Variants in TMTC4 observed in about 807,000 individuals in gnomAD.
TMTC4 encodes the protein transmembrane O-mannosyltransferase targeting cadherins 4.
In TMTC4, 65 loss-of-function variants were observed where a neutral mutation model predicts 86.0. The observed-to-expected ratio is 0.76, with a 90% confidence interval of 0.62 to 0.93. TMTC4 has a LOEUF of 0.93. TMTC4 is among the 40% of genes least tolerant of loss of function. The pLI is 0.00. For synonymous variants in TMTC4, 379 were observed against 382.5 expected (o/e 0.99, Z 0.11); for missense variants, 866 against 948.1 (o/e 0.91, Z 1.14).
In TMTC4 at chr13:100,625,656, C is replaced by T. The variant is rs1268476872; in HGVS notation, c.1715G>A (p.Trp572Ter). The change falls in exon 15 of 19, where the codon TGG becomes TAG. Residue 572 changes from tryptophan to a stop codon, truncating the protein, a stop_gained. Coordinates refer to ENST00000342624, the MANE Select transcript of TMTC4 (RefSeq NM_032813.5). LOFTEE classifies it high-confidence loss of function. ...ATTCTGCACTATGCCTAGATTCATC[C>T]ACGCAGCGGCAAAGTCTGGCCTAGA... is the stretch of plus-strand genomic sequence containing the variant. ...VQIQPDFAAA[W>*]MNLGIVQNSL... 2 of 1,614,136 alleles carry T rather than the reference C, an allele frequency of 1.2e-6. No individual in the cohort carries two copies. The highest frequency in any genetic ancestry group is 1.1e-5 in the South Asian group (1 of 91,082).
chr13:100,658,295 C>T lies in TMTC4; in HGVS notation c.553-1827G>A, dbSNP rs552226782. 3.9e-5 allele frequency among the ~76,000 whole-genome samples: 6 copies of T among 152,080 alleles called. No individual in the cohort carries two copies. In the East Asian group the frequency reaches 5.8e-4, roughly 15 times the overall value. ...TAGCAGAAAGGCAAAGGACAGAGGACGCAGAAGCTCAGGTATCATCTCTGC... is the reference window on the plus strand; with the variant it reads ...TAGCAGAAAGGCAAAGGACAGAGGATGCAGAAGCTCAGGTATCATCTCTGC... On this transcript the variant is annotated intron_variant, in intron 5 of 18. Coordinates refer to ENST00000342624, the MANE Select transcript of TMTC4 (RefSeq NM_032813.5).
chr13:100,663,018 C>T lies in TMTC4; in HGVS notation c.498G>A (p.Arg166=). 1 of 1,614,130 alleles carries T rather than the reference C, an allele frequency of 6.2e-7. No homozygotes were observed. Among genetic ancestry groups the T allele is most frequent in the Non-Finnish European group, 8.5e-7 (1 of 1,180,014 alleles). The change falls in exon 5 of 19, where the codon AGG becomes AGA. Residue 166 remains arginine, a synonymous_variant. Coordinates refer to ENST00000342624, the MANE Select transcript of TMTC4 (RefSeq NM_032813.5). ...SKGRRLHLAP[R]ASLLAALLFA... ...ACAGCAGCGCGGCCAGCAGGGACGC[C>T]CTGGGGGCGAGGTGCAGCCTCCGGC...
chr13:100,671,017 TG>T (rs1887027249), intron 1 of TMTC4, among the ~76,000 whole-genome samples: 1 of 152,162 alleles, frequency 6.6e-6, no homozygotes, highest in African/African-American at 2.4e-5. Flanking sequence ...TGATTTAACA[TG>T]GGGAGAAATT....
chr13:100,604,284 T>G lies in TMTC4; in HGVS notation c.*710A>C, dbSNP rs768710422. 24 of 152,476 alleles carry G rather than the reference T, an allele frequency of 1.6e-4. No individual in the cohort carries two copies. Among genetic ancestry groups the G allele is most frequent in the Admixed American group, 3.3e-4 (5 of 15,278 alleles). 9.4% of individuals were successfully genotyped at this position (152,476 alleles called of 1,614,324 possible). On this transcript the variant is annotated 3_prime_UTR_variant, in exon 19 of 19. Transcript: ENST00000342624. Reference sequence around the variant, plus strand: ...CTCTTGCCTAAAGCATGGCTTGAACTTTCAATTGATAGTAACCGCTTATGT... The same window carrying G: ...CTCTTGCCTAAAGCATGGCTTGAACGTTCAATTGATAGTAACCGCTTATGT...
chr13:100,647,578 C>T (rs544428570), intron 6 of TMTC4, among the ~76,000 whole-genome samples: 2 of 152,320 alleles, frequency 1.3e-5, no homozygotes, highest in East Asian at 3.9e-4. Context: ...TTTTACATTT[C>T]TGCCTAGAAA....
chr13:100,663,134 C>CGTGAAAGCCCACGGG lies in TMTC4; in HGVS notation c.367_381dup (p.Pro123_His127dup), dbSNP rs758969907. On this transcript the variant is annotated inframe_insertion, in exon 5 of 19. Transcript: ENST00000342624. ...CCACTGTGCAGGAGGATGTTGACCACGTGAAAGCCCACGGGGTGGAAGCCT... is the reference window on the plus strand; with the variant it reads ...CCACTGTGCAGGAGGATGTTGACCACGTGAAAGCCCACGGGGTGAAAGCCCACGGGGTGGAAGCCT... 1.2e-6 allele frequency: 2 copies of CGTGAAAGCCCACGGG among 1,614,072 alleles called. No homozygotes were observed. The highest frequency in any genetic ancestry group is 2.7e-5 in the African/African-American group (2 of 74,936).
chr13:100,634,850 T>A lies in TMTC4; in HGVS notation c.1461A>T (p.Glu487Asp). The A allele has an allele frequency of 1.9e-6, 3 of 1,614,178 alleles. No individual in the cohort carries two copies. Among genetic ancestry groups the A allele is most frequent in the Non-Finnish European group, 2.5e-6 (3 of 1,180,032 alleles). The change falls in exon 12 of 19, where the codon GAA becomes GAT. Residue 487 changes from glutamate to aspartate, a missense_variant. Physicochemically the swap from Glu to Asp is conservative, Grantham distance 45. Coordinates refer to ENST00000342624, the MANE Select transcript of TMTC4 (RefSeq NM_032813.5). ...CAGACAGAGCACTTCTGAAAAGCTG[T>A]TCCTCACTCCGCCACTCGCCGCTGC... ...VLRSGEWRSE[E>D]QLFRSALSVC...
Position 100,605,781 on chromosome 13 carries a change from G to C in TMTC4, c.2134+577C>G, listed in dbSNP as rs1180874411. 6.6e-6 allele frequency among the ~76,000 whole-genome samples: 1 copy of C among 152,184 alleles called. No individual in the cohort carries two copies. The highest frequency in any genetic ancestry group is 1.5e-5 in the Non-Finnish European group (1 of 68,038). On this transcript the variant is annotated intron_variant, in intron 18 of 18. Transcript: ENST00000342624. This position sits in a 1 kb window ranked among gnomAD's most constrained non-coding sequence, Gnocchi z 4.3. ...GAAGAGAAGCTTCAGAGTTGGTAGA[G>C]AACAGCTTTGGTGAAAAAACATTTC...
At chr13:100,644,996 G>T (rs2138929819) in intron 6 of TMTC4, among the ~76,000 whole-genome samples, 1 of 152,182 alleles carries the variant, frequency 6.6e-6, no homozygotes, top group Admixed American at 6.5e-5. Context: ...TGTATTTTTA[G>T]TAGAGACGGG....
intron 7 of TMTC4, among the ~76,000 whole-genome samples, chr13:100,639,370 C>A (rs1181829200): frequency 6.6e-6 from 1 of 152,116 alleles, no homozygotes; most frequent in Non-Finnish European, 1.5e-5. Flanking sequence ...CACAGAAGAC[C>A]GTTTCTGCCT....
intron 12 of TMTC4, among the ~76,000 whole-genome samples, chr13:100,628,336 TTGTGGC>T (rs1880856579): frequency 6.6e-6 from 1 of 152,162 alleles, no homozygotes; most frequent in Non-Finnish European, 1.5e-5. Flanking sequence ...TTCCTTCCTT[TTGTGGC>T]TGAATAATAT....
chr13:100,606,536 T>G, intron 17 of TMTC4, 109 bp from the exon 18 acceptor site: 1 of 825,722 alleles, frequency 1.2e-6, no homozygotes, highest in Non-Finnish European at 1.9e-6. Context: ...TCCTTTTGTA[T>G]CAATGCATTC....
intron 4 of TMTC4, 31 bp from the exon 5 acceptor site, chr13:100,663,211 G>A (rs778022208): frequency 1.6e-5 from 25 of 1,603,116 alleles, no homozygotes; most frequent in South Asian, 4.4e-5. Flanking sequence ...CAGGGTACAC[G>A]CGCAGCGGCA....
intron 6 of TMTC4, among the ~76,000 whole-genome samples, chr13:100,650,403 G>A (rs1884284468): frequency 2.0e-5 from 3 of 152,328 alleles, no homozygotes; most frequent in South Asian, 4.1e-4. Context: ...AATGAAGCAC[G>A]TGCCTCGGAT....
rs1442287605 is a variant in TMTC4 at position 100,663,190 on chromosome 13, C to A, written c.336-10G>T. The stretch of plus-strand genomic sequence containing the variant: ...GAGGTAGTAGTTAATCCTGCAGAAA[C>A]ACAGGGTGTTCAGGGTACACGCGCA... On this transcript the variant is annotated splice_polypyrimidine_tract_variant and intron_variant, in intron 4 of 18. Coordinates refer to ENST00000342624, the MANE Select transcript of TMTC4 (RefSeq NM_032813.5). 1 of 1,613,864 alleles carries A rather than the reference C, an allele frequency of 6.2e-7. No individual in the cohort carries two copies. Among genetic ancestry groups the A allele is most frequent in the Non-Finnish European group, 8.5e-7 (1 of 1,179,898 alleles).
rs768926915 is a variant in TMTC4 at position 100,605,648 on chromosome 13, A to C, written c.2135-506T>G. Reference sequence around the variant, plus strand: ...TGACCCTAAAATGATAGTTACAGTAAACCTAATCATTAGGATGATTAGCCT... The same window carrying C: ...TGACCCTAAAATGATAGTTACAGTACACCTAATCATTAGGATGATTAGCCT... On this transcript the variant is annotated intron_variant, in intron 18 of 18. Transcript: ENST00000342624. This position sits in a 1 kb window ranked among gnomAD's most constrained non-coding sequence, Gnocchi z 4.3. Among the ~76,000 whole-genome samples, 1 of 152,214 alleles carries C rather than the reference A, an allele frequency of 6.6e-6. No individual in the cohort carries two copies. The highest frequency in any genetic ancestry group is 1.5e-5 in the Non-Finnish European group (1 of 68,036).
At chr13:100,616,970 T>C (rs1381659526) in intron 15 of TMTC4, among the ~76,000 whole-genome samples, 1 of 152,248 alleles carries the variant, frequency 6.6e-6, no homozygotes, top group Non-Finnish European at 1.5e-5. Context: ...GTCTGTTTAC[T>C]CTCTTGATAG....
At chr13:100,610,416 T>G (rs1198594636) in intron 17 of TMTC4, among the ~76,000 whole-genome samples, 2 of 152,180 alleles carry the variant, frequency 1.3e-5, no homozygotes, top group Non-Finnish European at 2.9e-5. Context: ...TTCAAACCCT[T>G]AACTAAAAAA....
intron 3 of TMTC4, 62 bp downstream of exon 3, chr13:100,668,517 T>C (rs1886670384): frequency 6.6e-7 from 1 of 1,510,612 alleles, no homozygotes; most frequent in Non-Finnish European, 9.1e-7. Context: ...AACACATACT[T>C]AGATGATTAC....
Sources: gnomAD v4.1 joint callset for allele counts (sites outside exome capture counted in the v4.1 genomes callset) on GRCh38, gnomAD v4.1.1 for gene constraint, Gnocchi (gnomAD v3.1) non-coding constraint, MANE v1.5 for transcripts, NCBI Gene and HGNC (gene_info 2026-07-23, HGNC 2026-07-21) for gene names.